Variants in FCHSD1 observed in about 807,000 individuals in gnomAD.
The protein encoded by FCHSD1 is F-BAR and double SH3 domains protein 1.
FCHSD1 carries 109 observed loss-of-function variants against 101.3 expected under a neutral mutation model. The observed-to-expected ratio is 1.08, with a 90% CI of 0.92 to 1.26. The LOEUF (loss-of-function observed/expected upper bound fraction) is 1.26. Ranked by LOEUF, FCHSD1 falls within the 50% of genes most tolerant of loss-of-function variation. FCHSD1 has a pLI of 0.00. For missense variants in FCHSD1, 820 were observed against 895.8 expected (o/e 0.92, Z 1.08); for synonymous variants, 291 against 356.8 (o/e 0.82, Z 2.08).
At chr5:141,647,604 T>A (rs1424574148) in intron 8 of FCHSD1, 84 bp from the exon 9 acceptor site, 7 of 1,581,356 alleles carry the variant, frequency 4.4e-6, no homozygotes, top group Non-Finnish European at 5.1e-6. Flanking sequence ...TGACAGGTGA[T>A]GGGCATGAGG....
chr5:141,645,082 C>T lies in FCHSD1; in HGVS notation c.1378G>A (p.Ala460Thr). Residue 460 changes from alanine (A) to threonine (T), a missense_variant, in exon 14 of 20, where the codon GCC becomes ACC. By Grantham distance (58) the Ala-to-Thr change is moderately conservative (BLOSUM62 0). Coordinates refer to ENST00000435817, the MANE Select transcript of FCHSD1 (RefSeq NM_033449.3). ...GCCCTCGTGGCCAGGGCTTGGGGGG[C>T]AGGCTCCTCAAAGAGCTCTCCCGTC... ...EETGELFEEP[A>T]PQALATRALP... The T allele has an allele frequency of 6.3e-7, 1 of 1,588,874 alleles. No homozygotes were observed. The highest frequency in any genetic ancestry group is 8.6e-7 in the Non-Finnish European group (1 of 1,165,992).
At position 141,644,361 on chromosome 5, in the gene FCHSD1, G is replaced by C; in HGVS notation, c.1720C>G (p.Arg574Gly). The C allele has an allele frequency of 6.2e-7, 1 of 1,613,978 alleles. No homozygotes were observed. The highest frequency in any genetic ancestry group is 8.5e-7 in the Non-Finnish European group (1 of 1,179,882). Residue 574 changes from arginine to glycine, a missense_variant, in exon 17 of 20, where the codon CGT (arginine) becomes GGT (glycine). By Grantham distance (125) the Arg-to-Gly change is moderately radical. Coordinates refer to ENST00000435817, the MANE Select transcript of FCHSD1 (RefSeq NM_033449.3). The stretch of plus-strand genomic sequence containing the variant: ...CCATCTTGGGCCCGGGGCAGCAGAC[G>C]GATGAGTGCCCCCTCAGGGAAGCTC... ...ELSFPEGALI[R>G]LLPRAQDGVD... is the part of the protein sequence containing the mutation.
At chr5:141,642,753 T>C (rs1562384491) in intron 18 of FCHSD1, 2 of 553,076 alleles carry the variant, frequency 3.6e-6, no homozygotes, top group Admixed American at 3.6e-5. Context: ...TTCAATAAGC[T>C]AGTACCTTTT....
rs78047479 is a variant in FCHSD1, at chr5:141,640,726, G to A, written c.*772C>T. ...TGGCAGGGCCAGGGGGTGGGTGGGC[G>A]TGAAAGCCCTCCCCTCCACTGGACA... On this transcript the variant is annotated 3_prime_UTR_variant, in exon 20 of 20. Coordinates refer to ENST00000435817, the MANE Select transcript of FCHSD1 (RefSeq NM_033449.3). The A allele has an allele frequency of 1.2e-3, 1,750 of 1,493,010 alleles. 19 individuals are homozygous for A. The African/African-American group carries it at 0.021, about 18-fold the overall frequency. 92.5% of individuals were successfully genotyped at this position (1,493,010 alleles called of 1,614,324 possible).
Position 141,647,235 on chromosome 5 carries a change from G to C in FCHSD1, c.829-5C>G, listed in dbSNP as rs1267444010. On this transcript the variant is annotated splice_region_variant and splice_polypyrimidine_tract_variant and intron_variant, in intron 9 of 19. Transcript: ENST00000435817. ...CAGGTCTTGCTCCCAGCTTACCTAG[G>C]GGTTGGGAAAAGTCAAAGTCACTCA... 6.2e-7 allele frequency: 1 copy of C among 1,600,422 alleles called. No homozygotes were observed. The highest frequency in any genetic ancestry group is 1.1e-5 in the South Asian group (1 of 88,530).
chr5:141,642,058 T>C (rs569131951), intron 18 of FCHSD1: 13 of 533,064 alleles, frequency 2.4e-5, no homozygotes, highest in African/African-American at 1.9e-4. Flanking sequence ...TGCTAAGTCA[T>C]GCAAAGTGAA....
In FCHSD1 at chr5:141,641,743, A is replaced by C; in HGVS notation, c.1966T>G (p.Phe656Val). The part of the protein sequence containing the change: ...PVLPGDKALD[F>V]PGFLDMMAPR... ...GCCATCATGTCCAGGAACCCAGGGA[A>C]GTCCAGGGCTTTGTCTGGAAATAAG... Residue 656 changes from phenylalanine to valine, a missense_variant, in exon 19 of 20, where the codon TTC becomes GTC. By Grantham distance (50) the Phe-to-Val change is conservative. Coordinates refer to ENST00000435817, the MANE Select transcript of FCHSD1 (RefSeq NM_033449.3). 1 of 1,614,068 alleles carries C rather than the reference A, an allele frequency of 6.2e-7. No individual in the cohort carries two copies. The highest frequency in any genetic ancestry group is 8.5e-7 in the Non-Finnish European group (1 of 1,179,898).
At chr5:141,643,220 G>T (rs1306390977) in intron 17 of FCHSD1, 132 bp from the exon 18 acceptor site, 7 of 558,520 alleles carry the variant, frequency 1.3e-5, no homozygotes, top group Non-Finnish European at 1.7e-5. Flanking sequence ...TGCATTCGGT[G>T]GGGGGGTGTA....
intron 17 of FCHSD1, 72 bp from the exon 18 acceptor site, chr5:141,643,160 T>C (rs750285326): frequency 2.4e-4 from 283 of 1,198,288 alleles, no homozygotes; most frequent in Non-Finnish European, 2.8e-4. Flanking sequence ...TCTCATCCCA[T>C]CTCCAGTTCC....
rs1256916581 is a variant in FCHSD1 at position 141,639,713 on chromosome 5, C to T, written c.*1785G>A. 4.0e-6 allele frequency: 6 copies of T among 1,486,978 alleles called. No individual in the cohort carries two copies. In the Admixed American group the frequency reaches 1.0e-4, roughly 25 times the overall value. 92.1% of individuals were successfully genotyped at this position (1,486,978 alleles called of 1,614,324 possible). ...GGGGCCCAGTGATCAGGCACCTGAT[C>T]CCAAAAGTGGGCCTTGGCTCTTTCC... On this transcript the variant is annotated 3_prime_UTR_variant, in exon 20 of 20. Transcript: ENST00000435817. The surrounding 1 kb of genome is among the most constrained non-coding windows in gnomAD (Gnocchi z 4.4).
At chr5:141,641,818 G>A in intron 18 of FCHSD1, 61 bp from the exon 19 acceptor site, 1 of 1,538,156 alleles carries the variant, frequency 6.5e-7, no homozygotes, top group South Asian at 1.1e-5. Context: ...TGTATCTCCA[G>A]CACTTAGGAC....
At position 141,639,858 on chromosome 5, in the gene FCHSD1, A is replaced by C. The variant is rs1235443436; in HGVS notation, c.*1640T>G. ...CCAAACTCAGGATGTCCCTGGTCAG[A>C]GGGGAGGGCCAAGCAGCCTCTGAGT... is the stretch of plus-strand genomic sequence containing the variant. On this transcript the variant is annotated 3_prime_UTR_variant, in exon 20 of 20. Transcript: ENST00000435817. This position sits in a 1 kb window ranked among gnomAD's most constrained non-coding sequence, Gnocchi z 4.4. 1.9e-6 allele frequency: 3 copies of C among 1,563,156 alleles called. No homozygotes were observed. The highest frequency in any genetic ancestry group is 1.7e-5 in the Admixed American group (1 of 59,578).
rs529135233 is a variant in FCHSD1, at chr5:141,649,191, C to T, written c.493G>A (p.Ala165Thr). Residue 165 changes from alanine to threonine, a missense_variant, in exon 6 of 20, where the codon GCG (alanine) becomes ACG (threonine). Transcript: ENST00000435817. The surrounding 1 kb of genome is among the most constrained non-coding windows in gnomAD (Gnocchi z 4.1). ...CCCCACCTGGCCTGGACATCAGCCG[C>T]CTTCTCCTGTGCCAAGGCCCACACA... Reference protein sequence around the residue: ...ERVWALAQEKAADVQARLNRS... With the variant: ...ERVWALAQEKTADVQARLNRS... 3.0e-5 allele frequency: 48 copies of T among 1,614,016 alleles called. 1 individual carries two copies. The South Asian group carries it at 4.9e-4, about 17-fold the overall frequency.
At position 141,649,928 on chromosome 5, in the gene FCHSD1, G is replaced by T; in HGVS notation, c.192C>A (p.Phe64Leu). 1 of 1,549,614 alleles carries T rather than the reference G, an allele frequency of 6.5e-7. No individual in the cohort carries two copies. The highest frequency in any genetic ancestry group is 8.7e-7 in the Non-Finnish European group (1 of 1,147,726). The part of the protein sequence containing the change: ...GQALQKLAGP[F>L]LKREGHRSGE... ...CGCTCCGGTGCCCTTCCCTCTTCAG[G>T]AATGGGCCAGCCAGTTTCTGGAGTG... The change falls in exon 4 of 20, where the codon TTC (phenylalanine) becomes TTA (leucine). Residue 64 changes from phenylalanine (F) to leucine (L), a missense_variant. Phe to Leu is a conservative substitution (Grantham distance 22). Coordinates refer to ENST00000435817, the MANE Select transcript of FCHSD1 (RefSeq NM_033449.3). The surrounding 1 kb of genome is among the most constrained non-coding windows in gnomAD (Gnocchi z 4.1).
chr5:141,650,963 G>T lies in FCHSD1; in HGVS notation c.119+57C>A, dbSNP rs537749816. On this transcript the variant is annotated intron_variant, in intron 2 of 19. Coordinates refer to ENST00000435817, the MANE Select transcript of FCHSD1 (RefSeq NM_033449.3). ...TCCACCCCAGCACATGTATATTGGGGAGAAGTGGCGCACAACGACGAAGGT... is the reference window on the plus strand; with the variant it reads ...TCCACCCCAGCACATGTATATTGGGTAGAAGTGGCGCACAACGACGAAGGT... 4.2e-3 allele frequency: 6,261 copies of T among 1,480,932 alleles called. 15 individuals are homozygous for T. Among genetic ancestry groups the T allele is most frequent in the Non-Finnish European group, 5.0e-3 (5,385 of 1,082,244 alleles). The allele number at this position is 1,480,932 out of a possible 1,614,324, so 91.7% of individuals were successfully genotyped here. A position where few individuals can be genotyped will look rare whatever the true frequency, so the allele number is the denominator to read the frequency against.
chr5:141,645,159 A>G lies in FCHSD1; in HGVS notation c.1312-11T>C, dbSNP rs2099907490. 6.5e-7 allele frequency: 1 copy of G among 1,533,964 alleles called. No individual in the cohort carries two copies. The highest frequency in any genetic ancestry group is 1.3e-5 in the South Asian group (1 of 77,456). On this transcript the variant is annotated splice_polypyrimidine_tract_variant and intron_variant, in intron 13 of 19. Coordinates refer to ENST00000435817, the MANE Select transcript of FCHSD1 (RefSeq NM_033449.3). The stretch of plus-strand genomic sequence containing the variant: ...CTCAGCATCCTCAGCCTAGAGGGGC[A>G]AAGAACAGACCTCATATGGGGCCCA...
In FCHSD1 at chr5:141,640,604, G is replaced by T; in HGVS notation, c.*894C>A. The T allele has an allele frequency of 6.5e-7, 1 of 1,542,468 alleles. No individual in the cohort carries two copies. ...TGGTGGAGGTAGGGAAGGTCCTGGA[G>T]CCCCAGGGGAAAAGCTGGACACAGC... On this transcript the variant is annotated 3_prime_UTR_variant, in exon 20 of 20. Transcript: ENST00000435817.
At position 141,645,949 on chromosome 5, in the gene FCHSD1, G is replaced by A. The variant is rs2154598406; in HGVS notation, c.1150-17C>T. 1.9e-6 allele frequency: 3 copies of A among 1,555,640 alleles called. No homozygotes were observed. In the East Asian group the frequency reaches 7.2e-5, roughly 37 times the overall value. On this transcript the variant is annotated splice_polypyrimidine_tract_variant and intron_variant, in intron 12 of 19. Coordinates refer to ENST00000435817, the MANE Select transcript of FCHSD1 (RefSeq NM_033449.3). ...CTGGCTCACCTGCCATGGGGAGGAA[G>A]TAAGTTAGTGGAACCTGGCTGACGG...
At chr5:141,645,635 A>G in intron 13 of FCHSD1, 136 bp downstream of exon 13, 1 of 1,046,514 alleles carries the variant, frequency 9.6e-7, no homozygotes, top group Non-Finnish European at 1.4e-6. Flanking sequence ...AAAGAATGAT[A>G]TATGATGATT....
Sources: gnomAD v4.1 joint callset for allele counts on GRCh38, gnomAD v4.1.1 for gene constraint, Gnocchi (gnomAD v3.1) non-coding constraint, MANE v1.5 for transcripts, NCBI Gene and HGNC (gene_info 2026-07-23, HGNC 2026-07-21) for gene names.